Variants in FRMD4A observed in about 807,000 individuals in gnomAD.
FRMD4A encodes the protein FERM domain containing 4A.
FRMD4A carries 29 observed loss-of-function variants against 129.1 expected under a neutral mutation model. The ratio of observed to expected loss-of-function variants is 0.22; its 90% CI spans 0.17 to 0.31. The LOEUF (loss-of-function observed/expected upper bound fraction) is 0.31, where lower values mean the gene tolerates loss of function less well. FRMD4A is among the 10% of genes least tolerant of loss of function. The pLI is 1.00. For synonymous variants in FRMD4A, 634 were observed against 571.6 expected (o/e 1.11, Z -1.56); for missense variants, 1,272 against 1,375.8 (o/e 0.92, Z 1.19).
intron 2 of FRMD4A, among the ~76,000 whole-genome samples, chr10:14,061,393 A>G (rs35070144): frequency 0.48 from 73,549 of 152,056 alleles, 18,417 homozygotes; most frequent in Middle Eastern, 0.59. Context: ...GGAGGTTGCA[A>G]TGAGCCAAGA....
chr10:14,027,490 C>T (rs952271235), intron 2 of FRMD4A, among the ~76,000 whole-genome samples: 1 of 152,188 alleles, frequency 6.6e-6, no homozygotes, highest in African/African-American at 2.4e-5. Context: ...GTGGCATGTG[C>T]CTGTAATCCC....
intron 2 of FRMD4A, among the ~76,000 whole-genome samples, chr10:14,159,814 C>T (rs1840789697): frequency 6.6e-6 from 1 of 152,160 alleles, no homozygotes; most frequent in Non-Finnish European, 1.5e-5. Context: ...CTTTGGAAGA[C>T]CAAGGTAGGC....
rs1381818170 is a variant in FRMD4A, at chr10:13,747,873, T to C, written c.465-54A>G. Reference sequence around the variant, plus strand: ...TCACCCTCTGAGAAAATAATCGCACTCTCTGATACCACTTGGGCCGCTGTC... The same window carrying C: ...TCACCCTCTGAGAAAATAATCGCACCCTCTGATACCACTTGGGCCGCTGTC... On this transcript the variant is annotated intron_variant, in intron 8 of 24. Transcript: ENST00000357447. 4 of 958,872 alleles carry C rather than the reference T, an allele frequency of 4.2e-6. No individual in the cohort carries two copies. The East Asian group carries it at 9.6e-5, about 23-fold the overall frequency. 59.4% of individuals were successfully genotyped at this position (958,872 alleles called of 1,614,324 possible). A position where few individuals can be genotyped will look rare whatever the true frequency, so the allele number is the denominator to read the frequency against.
intron 2 of FRMD4A, among the ~76,000 whole-genome samples, chr10:13,959,377 GAGA>G (rs1249773400): frequency 5.4e-5 from 8 of 148,470 alleles, no homozygotes; most frequent in African/African-American, 1.7e-4. Context: ...GAGGCTGAGA[GAGA>G]AGAATTGTTT....
chr10:13,701,616 T>C, intron 13 of FRMD4A, 138 bp from the exon 14 acceptor site: 1 of 702,914 alleles, frequency 1.4e-6, no homozygotes. Context: ...CACATACACC[T>C]AGGCGTACAC....
intron 2 of FRMD4A, among the ~76,000 whole-genome samples, chr10:13,881,988 AGGGTGTGTGTGTGTGTGTGTGT>A (rs781405104): frequency 1.9e-4 from 2 of 10,652 alleles, no homozygotes; most frequent in East Asian, 1.6e-3. Flanking sequence ...GGGAGAGGCA[AGGGTGTGTGTGTGTGTGTGTGT>A]GTGTGTGTGT....
intron 2 of FRMD4A, among the ~76,000 whole-genome samples, chr10:13,866,871 C>A (rs183964983): frequency 6.6e-6 from 1 of 152,108 alleles, no homozygotes; most frequent in Non-Finnish European, 1.5e-5. Context: ...TCACTTGAAC[C>A]TGGGAGGCGG....
chr10:14,171,651 T>C (rs1489006272), intron 2 of FRMD4A, among the ~76,000 whole-genome samples: 4 of 152,184 alleles, frequency 2.6e-5, no homozygotes, highest in African/African-American at 9.7e-5. Context: ...AATCCCAAGA[T>C]AAAAATGCAT....
At chr10:13,844,157 G>A (rs10906514) in intron 3 of FRMD4A, among the ~76,000 whole-genome samples, 39,899 of 151,964 alleles carry the variant, frequency 0.26, 5,583 homozygotes, top group Middle Eastern at 0.38. Flanking sequence ...GTGTACATGA[G>A]TATATGTATG....
chr10:13,950,925 A>G (rs901268705), intron 2 of FRMD4A, among the ~76,000 whole-genome samples: 3 of 152,242 alleles, frequency 2.0e-5, no homozygotes, highest in African/African-American at 7.2e-5. Context: ...AGCTAAGACA[A>G]GAACATAATG....
At chr10:13,798,875 C>T (rs1291972793) in intron 4 of FRMD4A, among the ~76,000 whole-genome samples, 1 of 152,224 alleles carries the variant, frequency 6.6e-6, no homozygotes, top group African/African-American at 2.4e-5. Context: ...GATAATGCCC[C>T]ACAGGTTCCA....
Position 14,049,773 on chromosome 10 carries a change from T to C in FRMD4A, c.46-190861A>G, listed in dbSNP as rs1834171501. Among the ~76,000 whole-genome samples, 4 of 152,146 alleles carry C rather than the reference T, an allele frequency of 2.6e-5. No individual in the cohort carries two copies. In the South Asian group the frequency reaches 6.2e-4, roughly 24 times the overall value. On this transcript the variant is annotated intron_variant, in intron 2 of 24. Transcript: ENST00000357447. ...GGGAGGCTGAGGCAGGAGAATCGCTTGAACCGTGGAGGCAGAGGTTGCAGT... is the reference window on the plus strand; with the variant it reads ...GGGAGGCTGAGGCAGGAGAATCGCTCGAACCGTGGAGGCAGAGGTTGCAGT...
At chr10:13,659,285 G>C (rs768169683) in intron 21 of FRMD4A, 38 bp downstream of exon 21, 1 of 1,592,606 alleles carries the variant, frequency 6.3e-7, no homozygotes, top group Non-Finnish European at 8.6e-7. Flanking sequence ...TTTTAAAAAG[G>C]AAGGCTTGGT....
intron 2 of FRMD4A, among the ~76,000 whole-genome samples, chr10:14,323,501 T>C (rs1456211717): frequency 2.0e-5 from 3 of 152,240 alleles, no homozygotes; most frequent in African/African-American, 7.2e-5. Flanking sequence ...GATTCACTGA[T>C]GCTTTACCTC....
intron 2 of FRMD4A, among the ~76,000 whole-genome samples, chr10:13,880,398 A>AT (rs2094533333): frequency 6.6e-6 from 1 of 152,204 alleles, no homozygotes; most frequent in Non-Finnish European, 1.5e-5. Context: ...AACACTTTTC[A>AT]TCACCGTCAT....
intron 8 of FRMD4A, among the ~76,000 whole-genome samples, chr10:13,749,447 C>T (rs1448992583): frequency 2.0e-5 from 3 of 152,120 alleles, no homozygotes; most frequent in African/African-American, 4.8e-5. Context: ...GGGAGTTCCT[C>T]AGGTGCTTGG....
At chr10:13,971,717 C>G (rs963319877) in intron 2 of FRMD4A, 1 of 1,304,254 alleles carries the variant, frequency 7.7e-7, no homozygotes, top group African/African-American at 1.5e-5. Flanking sequence ...TCGAATGTTC[C>G]TCACTTGGCA....
intron 2 of FRMD4A, among the ~76,000 whole-genome samples, chr10:14,301,435 G>A (rs1305163218): frequency 1.3e-5 from 2 of 152,180 alleles, no homozygotes; most frequent in Non-Finnish European, 2.9e-5. Flanking sequence ...TGCTGATAGA[G>A]GAAACGTCTC....
At chr10:14,325,423 A>C (rs569587142) in intron 2 of FRMD4A, among the ~76,000 whole-genome samples, 2 of 152,210 alleles carry the variant, frequency 1.3e-5, no homozygotes, top group Non-Finnish European at 2.9e-5. Context: ...CTCCCAAACA[A>C]GATCCAGACT....
Sources: allele counts gnomAD v4.1 joint callset (sites outside exome capture counted in the v4.1 genomes callset), GRCh38; gene constraint gnomAD v4.1.1; transcripts MANE v1.5; gene names NCBI Gene and HGNC (gene_info 2026-07-23, HGNC 2026-07-21).